The following AFAP1L2 variants were observed in gnomAD, a reference collection of about 807,000 sequenced individuals.
The protein encoded by AFAP1L2 is actin filament associated protein 1 like 2.
Under a neutral mutation model 99.3 loss-of-function variants are expected in AFAP1L2, and 46 were observed. That is an observed-to-expected ratio of 0.46 (90% CI 0.37 to 0.59). The LOEUF is 0.59. Ranked by LOEUF, AFAP1L2 falls within the 20% of genes least tolerant of loss-of-function variation. The pLI is 0.00. For synonymous variants in AFAP1L2, 397 were observed against 419.1 expected, an observed-to-expected ratio of 0.95 and a Z score of 0.64; for missense variants, 959 against 1,034.9, an observed-to-expected ratio of 0.93 and a Z score of 1.01.
intron 1 of AFAP1L2, among the ~76,000 whole-genome samples, chr10:114,361,237 G>A (rs373957100): frequency 6.6e-6 from 1 of 152,126 alleles, no homozygotes; most frequent in Admixed American, 6.6e-5. Context: ...AGATTTGAGT[G>A]GGGACACAGC....
At chr10:114,392,576 T>A (rs1385584100) in intron 1 of AFAP1L2, among the ~76,000 whole-genome samples, 3 of 152,138 alleles carry the variant, frequency 2.0e-5, no homozygotes, top group Non-Finnish European at 4.4e-5. Context: ...ATATACCGAA[T>A]AAAGTCATTA....
At chr10:114,323,139 C>A (rs367767835) in intron 5 of AFAP1L2, 32 bp downstream of exon 5, 2 of 1,551,986 alleles carry the variant, frequency 1.3e-6, no homozygotes, top group Non-Finnish European at 1.7e-6. Context: ...AGCAGTAAGT[C>A]ACCCTCCCAA....
At chr10:114,361,686 CGTT>C (rs1273302429) in intron 1 of AFAP1L2, among the ~76,000 whole-genome samples, 2 of 152,164 alleles carry the variant, frequency 1.3e-5, no homozygotes, top group East Asian at 3.9e-4. Flanking sequence ...CCAGCTACAT[CGTT>C]GTGCTTCCCA....
At chr10:114,350,508 C>T (rs1244174809) in intron 1 of AFAP1L2, among the ~76,000 whole-genome samples, 1 of 152,200 alleles carries the variant, frequency 6.6e-6, no homozygotes, top group African/African-American at 2.4e-5. Flanking sequence ...AACAGATAGA[C>T]AGACACATAC....
At chr10:114,324,736 G>A (rs1257210625) in intron 4 of AFAP1L2, among the ~76,000 whole-genome samples, 1 of 152,246 alleles carries the variant, frequency 6.6e-6, no homozygotes, top group East Asian at 1.9e-4. Context: ...AGGCTGTGAG[G>A]TGGGGGAGGT....
At chr10:114,289,533 G>GC in the AFAP1L2 span, 4 of 1,603,352 alleles carry the variant, frequency 2.5e-6, no homozygotes, top group Non-Finnish European at 3.4e-6. Context: ...CCCATGGCAG[G>GC]CCCTCAGCCT....
intron 2 of AFAP1L2, among the ~76,000 whole-genome samples, chr10:114,339,681 G>C (rs557105496): frequency 9.9e-5 from 15 of 152,092 alleles, no homozygotes; most frequent in Non-Finnish European, 1.8e-4. Context: ...AAGATAATTA[G>C]GGTGACCCTA....
chr10:114,319,735 G>C, intron 5 of AFAP1L2: 1 of 1,005,610 alleles, frequency 9.9e-7, no homozygotes, highest in Non-Finnish European at 1.4e-6. Context: ...CACAAAGAGA[G>C]AGACCCAGAT....
At chr10:114,296,865 C>A in intron 18 of AFAP1L2, 113 bp downstream of exon 18, 1 of 1,568,586 alleles carries the variant, frequency 6.4e-7, no homozygotes, top group Non-Finnish European at 8.7e-7. Context: ...AGTGCCGAGC[C>A]CTTGCTCAGA....
At chr10:114,398,986 C>A (rs1590893868) in intron 1 of AFAP1L2, 1 of 1,182,490 alleles carries the variant, frequency 8.5e-7, no homozygotes, top group Non-Finnish European at 1.1e-6. Context: ...CTGGAATCTG[C>A]CTTTGAGATT....
At chr10:114,355,333 C>G (rs2051192515) in intron 1 of AFAP1L2, among the ~76,000 whole-genome samples, 1 of 150,886 alleles carries the variant, frequency 6.6e-6, no homozygotes, top group Non-Finnish European at 1.5e-5. Flanking sequence ...TGGCTCACTG[C>G]AAGCTCCGCC....
Position 114,302,489 on chromosome 10 carries a change from A to G in AFAP1L2, c.1285-5T>C. The G allele has an allele frequency of 6.2e-7, 1 of 1,613,860 alleles. No homozygotes were observed. The highest frequency in any genetic ancestry group is 8.5e-7 in the Non-Finnish European group (1 of 1,179,976). ...CATTTCCTCGGAAGACTTGGCCTGG[A>G]ACGAGGCCAAGAGAGACATAAGCAG... On this transcript the variant is annotated splice_polypyrimidine_tract_variant and splice_region_variant and intron_variant, in intron 11 of 18. Transcript: ENST00000304129.
chr10:114,320,237 G>T (rs912203702), intron 5 of AFAP1L2, among the ~76,000 whole-genome samples: 2 of 152,218 alleles, frequency 1.3e-5, no homozygotes, highest in African/African-American at 4.8e-5. Flanking sequence ...AGGCCAGCAG[G>T]GCACTTATTA....
chr10:114,332,293 C>T (rs1382792065), intron 3 of AFAP1L2, among the ~76,000 whole-genome samples: 1 of 152,220 alleles, frequency 6.6e-6, no homozygotes, highest in Non-Finnish European at 1.5e-5. Flanking sequence ...GCCAGAGTGG[C>T]CAACCTCATC....
intron 1 of AFAP1L2, among the ~76,000 whole-genome samples, chr10:114,341,347 C>G (rs1217887419): frequency 6.6e-6 from 1 of 152,120 alleles, no homozygotes; most frequent in African/African-American, 2.4e-5. Flanking sequence ...AGCACAGTGG[C>G]TCACACCTGT....
chr10:114,305,052 AGCGGAT>A (rs1310150443), intron 10 of AFAP1L2, 122 bp from the exon 11 acceptor site: 2 of 650,494 alleles, frequency 3.1e-6, no homozygotes, highest in African/African-American at 2.8e-5. Flanking sequence ...CGGGAGGGGA[AGCGGAT>A]GCGGATGCAA....
rs111329396 is a variant in AFAP1L2 at position 114,315,959 on chromosome 10, G to A, written c.407-194C>T. 2.1e-3 allele frequency among the ~76,000 whole-genome samples: 319 copies of A among 152,298 alleles called. 1 individual carries two copies. The highest frequency in any genetic ancestry group is 7.4e-3 in the African/African-American group (307 of 41,558). The stretch of plus-strand genomic sequence containing the variant: ...TTCCTGCCCCCAAACCCCTCAGCAA[G>A]GCTTCTTGGATGCTGCCTGTGGCCA... On this transcript the variant is annotated intron_variant, in intron 5 of 18. Transcript: ENST00000304129.
intron 1 of AFAP1L2, among the ~76,000 whole-genome samples, chr10:114,378,764 A>G (rs1475369704): frequency 6.6e-6 from 1 of 152,246 alleles, no homozygotes; most frequent in Non-Finnish European, 1.5e-5. Context: ...AAGTTTCCAG[A>G]GAGAACCCAT....
At chr10:114,334,382 C>A (rs1171880712) in intron 2 of AFAP1L2, among the ~76,000 whole-genome samples, 1 of 152,200 alleles carries the variant, frequency 6.6e-6, no homozygotes, top group Non-Finnish European at 1.5e-5. Flanking sequence ...TTTGCATTTC[C>A]TAGAAACTTG....
Sources: allele counts gnomAD v4.1 joint callset (sites outside exome capture counted in the v4.1 genomes callset), GRCh38; gene constraint gnomAD v4.1.1; transcripts MANE v1.5; gene names NCBI Gene and HGNC (gene_info 2026-07-23, HGNC 2026-07-21).